SVIL: variants seen among roughly 807,000 people sequenced by gnomAD.
The protein encoded by SVIL is archvillin.
SVIL carries 101 observed loss-of-function variants against 240.4 expected under a neutral mutation model. The observed-to-expected ratio is 0.42, with a 90% CI of 0.36 to 0.50. SVIL has a LOEUF of 0.50. Ranked by LOEUF, SVIL falls within the 20% of genes least tolerant of loss-of-function variation. SVIL has a pLI of 0.01. For missense variants in SVIL, 2,512 were observed against 2,818.7 expected, an observed-to-expected ratio of 0.89 and a Z score of 2.46; for synonymous variants, 999 against 1,100.0, an observed-to-expected ratio of 0.91 and a Z score of 1.82.
chr10:29,601,379 G>A (rs886478277), intron 1 of SVIL, among the ~76,000 whole-genome samples: 1 of 152,188 alleles, frequency 6.6e-6, no homozygotes, highest in African/African-American at 2.4e-5. Context: ...TCGTTATTAG[G>A]GAGAATAATG....
chr10:29,493,661 C>G (rs1366070346), intron 20 of SVIL, among the ~76,000 whole-genome samples: 1 of 152,104 alleles, frequency 6.6e-6, no homozygotes, highest in Non-Finnish European at 1.5e-5. Flanking sequence ...TGAACCTGCC[C>G]TTGCTTCTGT....
At chr10:29,701,972 G>A (rs1405002807) in intron 1 of SVIL, among the ~76,000 whole-genome samples, 11 of 152,136 alleles carry the variant, frequency 7.2e-5, no homozygotes, top group African/African-American at 1.9e-4. Flanking sequence ...TCAGGAGTTC[G>A]AGACCAGCCT....
chr10:29,470,225 C>T lies in SVIL; in HGVS notation c.5843+51G>A, dbSNP rs750691496. ...TTGGTACCCCTGAGCCTGCCCCGTC[C>T]CTCTGGGAAGCCCGGTGTGTGGGGG... On this transcript the variant is annotated intron_variant, in intron 32 of 37. Transcript: ENST00000355867. 6.3e-6 allele frequency: 10 copies of T among 1,596,086 alleles called. No individual in the cohort carries two copies. In the South Asian group the frequency reaches 8.9e-5, roughly 14 times the overall value.
rs35981596 is a variant in SVIL, at chr10:29,504,456, T to C, written c.3517-5193A>G. Among the ~76,000 whole-genome samples, 805 of 152,220 alleles carry C rather than the reference T, an allele frequency of 5.3e-3. 6 individuals are homozygous for C. Among genetic ancestry groups the C allele is most frequent in the Non-Finnish European group, 7.2e-3 (488 of 68,000 alleles). ...AAAGACATATCTGATAAAGGACTACTACCCCAAATATACAAAGAACTGTTA... is the reference window on the plus strand; with the variant it reads ...AAAGACATATCTGATAAAGGACTACCACCCCAAATATACAAAGAACTGTTA... On this transcript the variant is annotated intron_variant, in intron 17 of 37. Coordinates refer to ENST00000355867, the MANE Select transcript of SVIL (RefSeq NM_021738.3).
chr10:29,639,550 C>A (rs568399048), upstream of SVIL, among the ~76,000 whole-genome samples: 1 of 149,820 alleles, frequency 6.7e-6, no homozygotes. Flanking sequence ...CTCACTGCAA[C>A]CTTCACCTCC....
chr10:29,597,557 G>A (rs1351931224), intron 1 of SVIL, among the ~76,000 whole-genome samples: 1 of 151,964 alleles, frequency 6.6e-6, no homozygotes, highest in Non-Finnish European at 1.5e-5. Flanking sequence ...CCACCACCAC[G>A]CCTGGCTAAT....
chr10:29,674,949 G>A (rs991914066), intron 2 of SVIL, among the ~76,000 whole-genome samples: 4 of 152,144 alleles, frequency 2.6e-5, no homozygotes, highest in African/African-American at 9.7e-5. Context: ...GGACCTTTGC[G>A]ATTACAAAAG....
At chr10:29,648,320 G>C (rs193194473) in intron 3 of SVIL, among the ~76,000 whole-genome samples, 17 of 152,292 alleles carry the variant, frequency 1.1e-4, no homozygotes, top group Non-Finnish European at 2.4e-4. Context: ...TTGTGACACA[G>C]CACACACCAC....
chr10:29,594,312 G>A (rs1184967971), intron 1 of SVIL, among the ~76,000 whole-genome samples: 1 of 37,838 alleles, frequency 2.6e-5, no homozygotes, highest in African/African-American at 1.2e-4. Context: ...CAACCATTTC[G>A]GATGAGAGAT....
chr10:29,483,210 T>TC (rs1297232386), intron 27 of SVIL: 1 of 152,260 alleles, frequency 6.6e-6, no homozygotes, highest in Non-Finnish European at 1.5e-5. Context: ...TGGTTTCTGC[T>TC]TTGGAATCTG....
chr10:29,626,116 A>G (rs1957855183), intron 1 of SVIL, among the ~76,000 whole-genome samples: 1 of 152,234 alleles, frequency 6.6e-6, no homozygotes, highest in Non-Finnish European at 1.5e-5. Context: ...AACCTAAGGT[A>G]TAGCATGGTG....
At position 29,726,332 on chromosome 10, in the gene SVIL, C is replaced by A. The variant is rs117961367; in HGVS notation, c.-400+9419G>T. ...AAGTAAACCTAGGAAGCTACTGATA[C>A]ATCCTGTCATTTATGGCAAAAGCTT... On this transcript the variant is annotated intron_variant, in intron 1 of 35. Coordinates refer to the SVIL transcript ENST00000375400. Among the ~76,000 whole-genome samples, 388 of 152,320 alleles carry A rather than the reference C, an allele frequency of 2.5e-3. 1 individual carries two copies. Among genetic ancestry groups the A allele is most frequent in the Non-Finnish European group, 3.4e-3 (228 of 68,034 alleles).
intron 3 of SVIL, among the ~76,000 whole-genome samples, chr10:29,657,500 G>C (rs190701989): frequency 1.3e-5 from 2 of 151,974 alleles, no homozygotes; most frequent in Non-Finnish European, 2.9e-5. Context: ...CTGTGTTCCA[G>C]GGAACACACT....
intron 36 of SVIL, among the ~76,000 whole-genome samples, chr10:29,459,499 T>C (rs896977103): frequency 1.3e-5 from 2 of 152,074 alleles, no homozygotes; most frequent in Admixed American, 6.6e-5. Flanking sequence ...AAAATAAATA[T>C]TAAAAAATAA....
chr10:29,485,093 C>T (rs1175028092), intron 26 of SVIL, among the ~76,000 whole-genome samples: 3 of 151,998 alleles, frequency 2.0e-5, no homozygotes, highest in East Asian at 1.9e-4. Context: ...TCTCAACCTG[C>T]TTACAACTTG....
intron 8 of SVIL, 31 bp from the exon 9 acceptor site, chr10:29,532,203 G>A: frequency 1.9e-6 from 3 of 1,601,008 alleles, no homozygotes; most frequent in Non-Finnish European, 2.6e-6. Context: ...AGAGTATAAG[G>A]AAGGCAAACG....
At chr10:29,588,248 G>A (rs933869965) in intron 1 of SVIL, among the ~76,000 whole-genome samples, 12 of 151,872 alleles carry the variant, frequency 7.9e-5, no homozygotes, top group African/African-American at 2.7e-4. Context: ...TACCGTGGAG[G>A]TTAATAGTCA....
At chr10:29,651,112 C>T (rs577937917) in intron 3 of SVIL, among the ~76,000 whole-genome samples, 12 of 152,106 alleles carry the variant, frequency 7.9e-5, no homozygotes, top group East Asian at 1.9e-4. Context: ...CACTCTTCTC[C>T]GAACCCCAGC....
chr10:29,698,826 C>T (rs921025725), intron 1 of SVIL, among the ~76,000 whole-genome samples: 4 of 151,816 alleles, frequency 2.6e-5, no homozygotes, highest in Non-Finnish European at 4.4e-5. Context: ...AACAAAGTAA[C>T]AATTGCTTAA....
Sources: gnomAD v4.1 joint callset for allele counts (sites outside exome capture counted in the v4.1 genomes callset) on GRCh38, gnomAD v4.1.1 for gene constraint, MANE v1.5 for transcripts, NCBI Gene and HGNC (gene_info 2026-07-23, HGNC 2026-07-21) for gene names.